Variants in P3H2 observed in about 807,000 individuals in gnomAD.
P3H2 encodes prolyl 3-hydroxylase 2, also known as leprecan-like 1.
Under a neutral mutation model 87.0 loss-of-function variants are expected in P3H2, and 80 were observed. That is an observed-to-expected ratio of 0.92 (90% CI 0.77 to 1.11). The LOEUF is 1.11. P3H2 is among the 50% of genes least tolerant of loss of function. The pLI is 0.00. For synonymous variants in P3H2, 367 were observed against 359.3 expected (o/e 1.02, Z -0.24); for missense variants, 1,001 against 923.9 (o/e 1.08, Z -1.08).
intron 13 of P3H2, 128 bp from the exon 14 acceptor site, chr3:189,964,226 G>T: frequency 1.2e-6 from 1 of 856,864 alleles, no homozygotes; most frequent in Non-Finnish European, 1.9e-6. Context: ...TCCTGGGATT[G>T]AAGATGATGT....
intron 1 of P3H2, among the ~76,000 whole-genome samples, chr3:190,012,132 CCAGT>C (rs1001705437): frequency 1.3e-5 from 2 of 151,498 alleles, no homozygotes; most frequent in African/African-American, 4.9e-5. Context: ...AATTATGCCA[CCAGT>C]CAATTTAATT....
At chr3:190,064,161 T>TA (rs1162590380) in intron 1 of P3H2, among the ~76,000 whole-genome samples, 2 of 151,186 alleles carry the variant, frequency 1.3e-5, no homozygotes, top group Admixed American at 6.6e-5. Context: ...CTAACTTTTT[T>TA]TTTTTTTTAA....
In P3H2 at chr3:190,022,895, C is replaced by G. The variant is rs577280805; in HGVS notation, c.481-27453G>C. The stretch of plus-strand genomic sequence containing the variant: ...AGGCCCGAGTGCAGTGGCGCGATCT[C>G]GGCTCACTGCAAGTTCCACCTCCCG... On this transcript the variant is annotated intron_variant, in intron 1 of 14. Coordinates refer to ENST00000319332, the MANE Select transcript of P3H2 (RefSeq NM_018192.4). 5.3e-5 allele frequency among the ~76,000 whole-genome samples: 8 copies of G among 152,144 alleles called. No homozygotes were observed. The South Asian group carries it at 1.7e-3, about 32-fold the overall frequency.
chr3:190,111,304 G>GT (rs5855305), intron 1 of P3H2, among the ~76,000 whole-genome samples: 64,246 of 151,974 alleles, frequency 0.42, 15,385 homozygotes, highest in African/African-American at 0.66. Context: ...TGTTTTCACC[G>GT]GGGCCTTACA....
rs1454479625 is a variant in P3H2 at position 189,957,437 on chromosome 3, TTAATTGTGTG to T, written c.*465_*474del. 1.1e-4 allele frequency: 38 copies of T among 334,182 alleles called. No homozygotes were observed. The highest frequency in any genetic ancestry group is 9.7e-4 in the African/African-American group (34 of 35,190). The allele number at this position is 334,182 out of a possible 1,614,324, so 20.7% of individuals were successfully genotyped here. A position where few individuals can be genotyped will look rare whatever the true frequency, so the allele number is the denominator to read the frequency against. On this transcript the variant is annotated 3_prime_UTR_variant, in exon 15 of 15. Coordinates refer to ENST00000319332, the MANE Select transcript of P3H2 (RefSeq NM_018192.4). The stretch of plus-strand genomic sequence containing the variant: ...TCTAAGCTTTTGAATTTGCAGCAAC[TTAATTGTGTG>T]TGTGTGTGTGTGTGTGTGTGTGTGT...
intron 1 of P3H2, among the ~76,000 whole-genome samples, chr3:190,090,889 T>A (rs2108985623): frequency 6.6e-6 from 1 of 152,262 alleles, no homozygotes; most frequent in South Asian, 2.1e-4. Flanking sequence ...CAGTGTCAAT[T>A]TCTCACAGAA....
At chr3:190,109,706 A>G (rs1711993446) in intron 1 of P3H2, among the ~76,000 whole-genome samples, 1 of 152,268 alleles carries the variant, frequency 6.6e-6, no homozygotes, top group Non-Finnish European at 1.5e-5. Flanking sequence ...TCTATTTCCA[A>G]TAGATTTCTC....
intron 13 of P3H2, among the ~76,000 whole-genome samples, chr3:189,966,065 AG>A (rs1401037533): frequency 2.4e-5 from 3 of 126,894 alleles, no homozygotes; most frequent in Non-Finnish European, 4.7e-5. Context: ...AGAAAGAAAG[AG>A]AAAGAAGGAA....
At chr3:189,968,210 C>T (rs1209284959) in intron 13 of P3H2, among the ~76,000 whole-genome samples, 1 of 152,104 alleles carries the variant, frequency 6.6e-6, no homozygotes, top group Non-Finnish European at 1.5e-5. Flanking sequence ...GTTTGCTGCA[C>T]CCCATCAAAC....
chr3:189,966,127 G>GAAAGAAAGAAAGAA (rs1722987939), intron 13 of P3H2, among the ~76,000 whole-genome samples: 1 of 34,536 alleles, frequency 2.9e-5, no homozygotes, highest in Non-Finnish European at 6.2e-5. Context: ...GAAAGAAAAA[G>GAAAGAAAGAAAGAA]AAAGAAAGAA....
intron 8 of P3H2, among the ~76,000 whole-genome samples, chr3:189,981,467 T>G (rs1173479949): frequency 6.6e-6 from 1 of 152,158 alleles, no homozygotes; most frequent in Non-Finnish European, 1.5e-5. Flanking sequence ...ATTGAATGAA[T>G]ATGAGAGTAC....
At chr3:190,008,107 T>C (rs1267758741) in intron 1 of P3H2, among the ~76,000 whole-genome samples, 6 of 151,880 alleles carry the variant, frequency 4.0e-5, no homozygotes, top group South Asian at 2.1e-4. Context: ...GCTTCCCTAA[T>C]ATACTTACAT....
intron 1 of P3H2, among the ~76,000 whole-genome samples, chr3:190,102,637 C>A (rs866821499): frequency 6.6e-6 from 1 of 151,766 alleles, no homozygotes; most frequent in Admixed American, 6.6e-5. Flanking sequence ...GGAAACTACT[C>A]CTGGTGAAGA....
At chr3:189,970,781 A>T (rs1480798439) in intron 13 of P3H2, 35 bp downstream of exon 13, 4 of 1,280,610 alleles carry the variant, frequency 3.1e-6, no homozygotes, top group Non-Finnish European at 4.6e-6. Flanking sequence ...GAGCTAAAAC[A>T]TACTAAATAA....
chr3:190,103,256 C>G (rs1711701133), intron 1 of P3H2, among the ~76,000 whole-genome samples: 1 of 152,154 alleles, frequency 6.6e-6, no homozygotes, highest in Non-Finnish European at 1.5e-5. Flanking sequence ...TCAAATTCAA[C>G]AAGCATGAGT....
At chr3:190,116,043 G>T (rs893371993) in intron 1 of P3H2, among the ~76,000 whole-genome samples, 1 of 152,128 alleles carries the variant, frequency 6.6e-6, no homozygotes, top group African/African-American at 2.4e-5. Context: ...GCTCACCTAA[G>T]TAATAACGAA....
Position 189,985,142 on chromosome 3 carries a change from C to T in P3H2, c.1189-552G>A, listed in dbSNP as rs192522320. ...TTTAAAAAGTGTGCCTATAAAAACA[C>T]GGCATAAGAAATGAAAAAAGGTTGT... On this transcript the variant is annotated intron_variant, in intron 6 of 14. Transcript: ENST00000319332. Among the ~76,000 whole-genome samples the T allele has an allele frequency of 4.0e-5, 6 of 151,716 alleles. No individual in the cohort carries two copies. In the East Asian group the frequency reaches 5.8e-4, roughly 15 times the overall value.
intron 1 of P3H2, among the ~76,000 whole-genome samples, chr3:190,009,143 T>C (rs1231844503): frequency 6.6e-6 from 1 of 152,120 alleles, no homozygotes; most frequent in East Asian, 1.9e-4. Context: ...GAGAGTTAGT[T>C]TTCTAGGAGT....
intron 10 of P3H2, among the ~76,000 whole-genome samples, chr3:189,973,511 C>CTTTCTTTTTTTTT (rs1723245878): frequency 2.8e-5 from 1 of 35,462 alleles, no homozygotes; most frequent in African/African-American, 9.7e-5. Context: ...TTCTTTCTTT[C>CTTTCTTTTTTTTT]TTTTTTTTTT....
Sources: gnomAD v4.1 joint callset for allele counts (sites outside exome capture counted in the v4.1 genomes callset) on GRCh38, gnomAD v4.1.1 for gene constraint, MANE v1.5 for transcripts, NCBI Gene and HGNC (gene_info 2026-07-23, HGNC 2026-07-21) for gene names.